USP31: variants seen among roughly 807,000 people sequenced by gnomAD.
USP31 encodes ubiquitin specific peptidase 31, also known as ubiquitin carboxyl-terminal hydrolase 31.
USP31 carries 44 observed loss-of-function variants against 119.4 expected under a neutral mutation model. That is an observed-to-expected ratio of 0.37 (90% CI 0.29 to 0.47). The LOEUF is 0.47. Among genes scored for constraint, USP31 ranks in the 20% least tolerant of loss-of-function variants. The pLI, the probability that USP31 is intolerant of heterozygous loss-of-function variation, is 0.99. For synonymous variants in USP31, 749 were observed against 705.6 expected (o/e 1.06, Z -0.97); for missense variants, 1,643 against 1,730.2 (o/e 0.95, Z 0.89).
chr16:23,141,223 T>C (rs998449070), intron 1 of USP31, among the ~76,000 whole-genome samples: 1 of 152,214 alleles, frequency 6.6e-6, no homozygotes, highest in African/African-American at 2.4e-5. Flanking sequence ...CCCGCTCTCC[T>C]CCTGGCTCTC....
rs1900265139 is a variant in USP31, at chr16:23,069,612, GCCT to G, written c.2490_2492del (p.Gly831del). The G allele has an allele frequency of 6.2e-7, 1 of 1,605,930 alleles. No individual in the cohort carries two copies. The highest frequency in any genetic ancestry group is 1.3e-5 in the African/African-American group (1 of 74,852). Reference sequence around the variant, plus strand: ...TTCTCACAAATGGTCGAGTTGAAAAGCCTCCTGAACACAGTAAAGAGAATACTG... The same window carrying G: ...TTCTCACAAATGGTCGAGTTGAAAAGCCTGAACACAGTAAAGAGAATACTG... On this transcript the variant is annotated inframe_deletion and splice_region_variant, in exon 16 of 16. Transcript: ENST00000219689.
chr16:23,063,394 T>C lies in USP31; in HGVS notation c.*4652A>G, dbSNP rs555476072. The stretch of plus-strand genomic sequence containing the variant: ...CTCTATAAAAGCATCTTTTAATTCT[T>C]AGCACTATTAGAAGCCACATTCTTT... On this transcript the variant is annotated 3_prime_UTR_variant, in exon 16 of 16. Coordinates refer to ENST00000219689, the MANE Select transcript of USP31 (RefSeq NM_020718.4). 1.3e-5 allele frequency: 2 copies of C among 152,748 alleles called. No homozygotes were observed. Among genetic ancestry groups the C allele is most frequent in the East Asian group, 3.9e-4 (2 of 5,180 alleles). The allele number at this position is 152,748 out of a possible 1,614,324, so 9.5% of individuals were successfully genotyped here. A position where few individuals can be genotyped will look rare whatever the true frequency, so the allele number is the denominator to read the frequency against.
chr16:23,102,657 G>A (rs983599803), intron 5 of USP31, among the ~76,000 whole-genome samples, 194 bp from the exon 6 acceptor site: 5 of 152,054 alleles, frequency 3.3e-5, no homozygotes, highest in Admixed American at 6.5e-5. Flanking sequence ...ACAATATACA[G>A]TCACCCCTCC....
chr16:23,068,663 TG>T lies in USP31; in HGVS notation c.3441del (p.Ser1147ArgfsTer8). On this transcript the variant is annotated frameshift_variant, in exon 16 of 16. Transcript: ENST00000219689. LOFTEE classifies it high-confidence loss of function. ...ATRSPFPPGK[S>X]RTSDHSLSRE... ...CTACTCAAGCTGTGGTCTGAAGTCCTGCTCTTCCCAGGTGGGAAAGGGCTCC... is the reference window on the plus strand; with the variant it reads ...CTACTCAAGCTGTGGTCTGAAGTCCTCTCTTCCCAGGTGGGAAAGGGCTCC... 1 of 1,614,218 alleles carries T rather than the reference TG, an allele frequency of 6.2e-7. No individual in the cohort carries two copies. The highest frequency in any genetic ancestry group is 1.3e-5 in the African/African-American group (1 of 75,070).
At chr16:23,122,374 T>C (rs528913715) in intron 1 of USP31, among the ~76,000 whole-genome samples, 3 of 152,278 alleles carry the variant, frequency 2.0e-5, no homozygotes, top group Admixed American at 6.5e-5. Context: ...GGGAATAAAA[T>C]GGTATAGCAA....
intron 13 of USP31, among the ~76,000 whole-genome samples, chr16:23,078,107 A>T (rs563452161): frequency 6.6e-6 from 1 of 152,104 alleles, no homozygotes; most frequent in South Asian, 2.1e-4. Flanking sequence ...AGGTCAGGAG[A>T]TCGAGACCAT....
intron 1 of USP31, among the ~76,000 whole-genome samples, chr16:23,120,559 A>G (rs1266167525): frequency 1.3e-5 from 2 of 152,240 alleles, no homozygotes; most frequent in South Asian, 2.1e-4. Flanking sequence ...GAGAAAAAGA[A>G]TGTATCCCTA....
Position 23,105,491 on chromosome 16 carries a change from C to T in USP31, c.1039G>A (p.Ala347Thr), listed in dbSNP as rs1400183337. Residue 347 changes from alanine (A) to threonine (T), a missense_variant, in exon 5 of 16, where the codon GCC (alanine) becomes ACC (threonine). Physicochemically the swap from Ala to Thr is moderately conservative, Grantham distance 58. Around this residue, in one of 5 missense-constraint regions of USP31, gnomAD observed 144 missense variants for 218.0 expected, o/e 0.66. Transcript: ENST00000219689. ...ATAGACACTGCTTCCCGAAGTCTGG[C>T]GACAGTCCCAGACAGAGGTACGGCC... ...GVAVPLSGTV[A>T]RLREAVSMET... The T allele has an allele frequency of 2.5e-6, 4 of 1,613,992 alleles. No individual in the cohort carries two copies. In the South Asian group the frequency reaches 3.3e-5, roughly 13 times the overall value.
intron 10 of USP31, 93 bp from the exon 11 acceptor site, chr16:23,085,082 T>C (rs1901049160): frequency 6.8e-7 from 1 of 1,468,382 alleles, no homozygotes; most frequent in Admixed American, 2.2e-5. Context: ...TACAAACTCA[T>C]AACCGAAGGA....
Position 23,079,939 on chromosome 16 carries a change from T to A in USP31, c.2176+7A>T. ...AGCACAGACACGCAGCCTCTCACACTGCAGACCTGTGTAGTGCCCCCCTTG... is the reference window on the plus strand; with the variant it reads ...AGCACAGACACGCAGCCTCTCACACAGCAGACCTGTGTAGTGCCCCCCTTG... On this transcript the variant is annotated splice_region_variant and intron_variant, in intron 13 of 15. Transcript: ENST00000219689. 6.2e-7 allele frequency: 1 copy of A among 1,603,524 alleles called. No individual in the cohort carries two copies. Among genetic ancestry groups the A allele is most frequent in the East Asian group, 2.3e-5 (1 of 44,096 alleles).
Position 23,067,946 on chromosome 16 carries a change from A to G in USP31, c.*100T>C. 1.4e-6 allele frequency: 2 copies of G among 1,471,130 alleles called. No individual in the cohort carries two copies. Among genetic ancestry groups the G allele is most frequent in the East Asian group, 2.3e-5 (1 of 43,788 alleles). The allele number at this position is 1,471,130 out of a possible 1,614,324, so 91.1% of individuals were successfully genotyped here. A position where few individuals can be genotyped will look rare whatever the true frequency, so the allele number is the denominator to read the frequency against. Reference sequence around the variant, plus strand: ...ACACACACAGTCGGGCACGTGACTCAAAAAAGTACAAAACAAAAGCACAGG... The same window carrying G: ...ACACACACAGTCGGGCACGTGACTCGAAAAAGTACAAAACAAAAGCACAGG... On this transcript the variant is annotated 3_prime_UTR_variant, in exon 16 of 16. Transcript: ENST00000219689.
At position 23,062,983 on chromosome 16, in the gene USP31, T is replaced by C. The variant is rs1161957240; in HGVS notation, c.*5063A>G. 1.3e-5 allele frequency: 2 copies of C among 152,666 alleles called. No homozygotes were observed. Among genetic ancestry groups the C allele is most frequent in the East Asian group, 1.9e-4 (1 of 5,202 alleles). 9.5% of individuals were successfully genotyped at this position (152,666 alleles called of 1,614,324 possible). A position where few individuals can be genotyped will look rare whatever the true frequency, so the allele number is the denominator to read the frequency against. On this transcript the variant is annotated 3_prime_UTR_variant, in exon 16 of 16. Coordinates refer to ENST00000219689, the MANE Select transcript of USP31 (RefSeq NM_020718.4). The stretch of plus-strand genomic sequence containing the variant: ...AGTGGTTCTCAATCTGTCTGCAAAT[T>C]AGAAACACCCAGAAGCTTTTAAAAT...
chr16:23,091,966 G>T (rs1184606878), intron 6 of USP31, among the ~76,000 whole-genome samples: 2 of 152,272 alleles, frequency 1.3e-5, no homozygotes, highest in East Asian at 1.9e-4. Flanking sequence ...CAGAGGTAAG[G>T]GTGGGAAGAT....
intron 1 of USP31, among the ~76,000 whole-genome samples, chr16:23,143,386 C>T (rs913450959): frequency 6.6e-6 from 1 of 152,128 alleles, no homozygotes; most frequent in Non-Finnish European, 1.5e-5. Flanking sequence ...ATCTGGGGCA[C>T]CCATGCTCCT....
rs981078948 is a variant in USP31, at chr16:23,143,589, G to GC, written c.633+5048_633+5049insG. On this transcript the variant is annotated intron_variant, in intron 1 of 15. Transcript: ENST00000219689. ...GAGAAAGAGAGAGGGAGAGGTTGGG[G>GC]GGGGGGAGAGAGAGAGAAAGAGAGA... Among the ~76,000 whole-genome samples the GC allele has an allele frequency of 1.6e-3, 243 of 151,332 alleles. 5 individuals carry two copies. Among genetic ancestry groups the GC allele is most frequent in the East Asian group, 3.9e-3 (20 of 5,152 alleles).
chr16:23,068,246 T>C lies in USP31; in HGVS notation c.3859A>G (p.Thr1287Ala), dbSNP rs747568062. The change falls in exon 16 of 16, where the codon ACA (threonine) becomes GCA (alanine). Residue 1287 changes from threonine to alanine, a missense_variant. This residue lies in a region of USP31 where 699 missense variants were observed against 650.9 expected (regional missense o/e 1.07). Transcript: ENST00000219689. ...GTGACAAGCTGCTCTTTTCCCGTTG[T>C]ATTTGCATTTGGCTGCTGGGAAGCT... is the stretch of plus-strand genomic sequence containing the variant. ...PPASQQPNAN[T>A]TGKEQLVTKD... 33 of 1,614,068 alleles carry C rather than the reference T, an allele frequency of 2.0e-5. No homozygotes were observed. The South Asian group carries it at 3.4e-4, about 17-fold the overall frequency.
In USP31 at chr16:23,063,501, CTT is replaced by C. The variant is rs1256229632; in HGVS notation, c.*4543_*4544del. 4 of 152,598 alleles carry C rather than the reference CTT, an allele frequency of 2.6e-5. No homozygotes were observed. Among genetic ancestry groups the C allele is most frequent in the Non-Finnish European group, 5.9e-5 (4 of 68,042 alleles). 9.5% of individuals were successfully genotyped at this position (152,598 alleles called of 1,614,324 possible). On this transcript the variant is annotated 3_prime_UTR_variant, in exon 16 of 16. Transcript: ENST00000219689. ...GGCAGGTTATTTTTAGAACAAAACA[CTT>C]TAGGAAAGTCTTCAGGCTAAATACA...
At position 23,064,483 on chromosome 16, in the gene USP31, A is replaced by G. The variant is rs533748049; in HGVS notation, c.*3563T>C. 5.3e-4 allele frequency: 81 copies of G among 152,268 alleles called. No homozygotes were observed. Among genetic ancestry groups the G allele is most frequent in the Admixed American group, 1.5e-3 (23 of 15,304 alleles). The allele number at this position is 152,268 out of a possible 1,614,324, so 9.4% of individuals were successfully genotyped here. A position where few individuals can be genotyped will look rare whatever the true frequency, so the allele number is the denominator to read the frequency against. On this transcript the variant is annotated 3_prime_UTR_variant, in exon 16 of 16. Transcript: ENST00000219689. ...ATCCGTCTCATACAAACATAAGATG[A>G]CCCAATGTTAACGTAAAGTGACTGT... is the stretch of plus-strand genomic sequence containing the variant.
At chr16:23,123,960 C>T (rs1902764450) in intron 1 of USP31, among the ~76,000 whole-genome samples, 1 of 151,672 alleles carries the variant, frequency 6.6e-6, no homozygotes, top group African/African-American at 2.4e-5. Flanking sequence ...GATCACACCA[C>T]TGCACTCCAG....
Sources: gnomAD v4.1 joint callset for allele counts (sites outside exome capture counted in the v4.1 genomes callset) on GRCh38, gnomAD v4.1.1 for gene constraint, gnomAD v4.1.1 regional missense constraint, MANE v1.5 for transcripts, NCBI Gene and HGNC (gene_info 2026-07-23, HGNC 2026-07-21) for gene names.